The following NBAS variants were observed in gnomAD, a reference collection of about 807,000 sequenced individuals.
NBAS encodes NAG/BC035112 fusion.
A neutral mutation model predicts 302.5 loss-of-function variants in NBAS; 219 were observed. The observed-to-expected ratio is 0.72, with a 90% CI of 0.65 to 0.81. The LOEUF (loss-of-function observed/expected upper bound fraction) is 0.81, where lower values mean the gene tolerates loss of function less well. NBAS is among the 30% of genes least tolerant of loss of function. NBAS has a pLI of 0.00. For missense variants in NBAS, 2,932 were observed against 2,841.6 expected (o/e 1.03, Z -0.72); for synonymous variants, 1,118 against 1,021.6 (o/e 1.09, Z -1.80).
chr2:15,123,643 C>T, the NBAS span, among the ~76,000 whole-genome samples: 2 of 152,048 alleles, frequency 1.3e-5, no homozygotes, highest in Non-Finnish European at 2.9e-5. Flanking sequence ...GAGCACCTCC[C>T]TCCTCTCTGT....
In NBAS at chr2:15,238,631, T is replaced by A. The variant is rs1484069780; in HGVS notation, c.5780A>T (p.His1927Leu). ...MTRKAIKTVK[H>L]FIEKPRKRNS... ...TCTTTTCCTTGGCTTCTCAATAAAA[T>A]GTTTGACTGTCTTAATAGCCTTTCT... Residue 1927 changes from histidine to leucine, a missense_variant, in exon 45 of 52, where the codon CAT (histidine) becomes CTT (leucine). His to Leu is a moderately conservative substitution (Grantham distance 99, BLOSUM62 -3). Transcript: ENST00000281513. 2 of 1,613,240 alleles carry A rather than the reference T, an allele frequency of 1.2e-6. No individual in the cohort carries two copies. The highest frequency in any genetic ancestry group is 3.3e-5 in the Admixed American group (2 of 59,802).
intron 46 of NBAS, among the ~76,000 whole-genome samples, chr2:15,234,124 A>G (rs536738889): frequency 1.4e-4 from 21 of 152,318 alleles, no homozygotes; most frequent in African/African-American, 4.8e-4. Context: ...TCAGTGTATG[A>G]TCAGCCTTGC....
intron 51 of NBAS, among the ~76,000 whole-genome samples, chr2:15,171,298 A>T (rs1664279466): frequency 6.6e-6 from 1 of 152,066 alleles, no homozygotes; most frequent in Non-Finnish European, 1.5e-5. Flanking sequence ...TATGTCATCC[A>T]TGTTTGGGTC....
intron 2 of NBAS, among the ~76,000 whole-genome samples, chr2:15,557,568 CTG>C (rs1446116039): frequency 6.6e-6 from 1 of 152,058 alleles, no homozygotes; most frequent in East Asian, 1.9e-4. Context: ...CTATAATTAA[CTG>C]TAATTTTATC....
chr2:15,105,523 G>C, the NBAS span, among the ~76,000 whole-genome samples: 3 of 151,616 alleles, frequency 2.0e-5, no homozygotes, highest in Non-Finnish European at 4.4e-5. Context: ...TGTTTTTATG[G>C]TCCCTCCTAG....
chr2:15,344,694 G>T (rs1673008670), intron 35 of NBAS, among the ~76,000 whole-genome samples: 1 of 152,102 alleles, frequency 6.6e-6, no homozygotes, highest in South Asian at 2.1e-4. Context: ...CTAAAACTGT[G>T]CAGAGACACA....
chr2:15,248,251 C>A (rs1411749390), intron 44 of NBAS, among the ~76,000 whole-genome samples: 5 of 152,132 alleles, frequency 3.3e-5, no homozygotes, highest in Non-Finnish European at 7.4e-5. Flanking sequence ...TTCTTTGAAA[C>A]CAATGAGAAC....
chr2:15,248,766 AG>A (rs1250588657), intron 44 of NBAS, among the ~76,000 whole-genome samples: 1 of 152,202 alleles, frequency 6.6e-6, no homozygotes, highest in Non-Finnish European at 1.5e-5. Context: ...CTAAACCAGA[AG>A]TTGAATCCCT....
chr2:15,296,739 T>G lies in NBAS; in HGVS notation c.4798-3973A>C, dbSNP rs146146937. The stretch of plus-strand genomic sequence containing the variant: ...CTGTAGTCCTACCTACTAGGGAGGC[T>G]GAAGCACAAGGATCACTTGAGCTCA... On this transcript the variant is annotated intron_variant, in intron 40 of 51. Coordinates refer to ENST00000281513, the MANE Select transcript of NBAS (RefSeq NM_015909.4). Among the ~76,000 whole-genome samples, 904 of 152,182 alleles carry G rather than the reference T, an allele frequency of 5.9e-3. 6 individuals are homozygous for G. Among genetic ancestry groups the G allele is most frequent in the Middle Eastern group, 0.01 (3 of 294 alleles).
chr2:15,043,749 G>A, the NBAS span, among the ~76,000 whole-genome samples: 1 of 152,142 alleles, frequency 6.6e-6, no homozygotes, highest in Non-Finnish European at 1.5e-5. Context: ...AGAAAACCTG[G>A]GTTCTAAGTC....
intron 21 of NBAS, among the ~76,000 whole-genome samples, chr2:15,460,231 C>T (rs1170543033): frequency 6.6e-6 from 1 of 152,106 alleles, no homozygotes; most frequent in African/African-American, 2.4e-5. Context: ...AGGTACTTTA[C>T]AGTATACTAT....
At chr2:14,988,308 C>A in the NBAS span, among the ~76,000 whole-genome samples, 16 of 152,264 alleles carry the variant, frequency 1.1e-4, no homozygotes, top group African/African-American at 3.6e-4. Context: ...AGCTGCTTAT[C>A]CATATAATTT....
intron 26 of NBAS, among the ~76,000 whole-genome samples, chr2:15,401,942 GAATTT>G (rs1412008196): frequency 6.6e-6 from 1 of 151,980 alleles, no homozygotes; most frequent in East Asian, 1.9e-4. Context: ...ACAAAATTCA[GAATTT>G]AATTATAATT....
the NBAS span, among the ~76,000 whole-genome samples, chr2:14,810,339 A>G: frequency 6.6e-6 from 1 of 152,180 alleles, no homozygotes. Flanking sequence ...TAATCGAATC[A>G]TGGGGGCAGG....
the NBAS span, among the ~76,000 whole-genome samples, chr2:15,029,539 G>A: frequency 1.3e-5 from 2 of 152,204 alleles, no homozygotes; most frequent in Non-Finnish European, 2.9e-5. Context: ...GAGAGATAAA[G>A]GAATCGGAAG....
At chr2:15,412,212 C>T (rs1252669030) in intron 25 of NBAS, among the ~76,000 whole-genome samples, 1 of 152,130 alleles carries the variant, frequency 6.6e-6, no homozygotes, top group Non-Finnish European at 1.5e-5. Context: ...GATTATTCTT[C>T]CCTGCCCCAT....
Position 15,534,645 on chromosome 2 carries a change from A to T in NBAS, c.648-4T>A, listed in dbSNP as rs760622951. On this transcript the variant is annotated splice_region_variant and splice_polypyrimidine_tract_variant and intron_variant, in intron 8 of 51. Transcript: ENST00000281513. Reference sequence around the variant, plus strand: ...GTAGCTCTGATTTGTTCCAACACTAAATTTAAGAGGGTATGAAAGAAGTAA... The same window carrying T: ...GTAGCTCTGATTTGTTCCAACACTATATTTAAGAGGGTATGAAAGAAGTAA... 35 of 1,602,572 alleles carry T rather than the reference A, an allele frequency of 2.2e-5. No individual in the cohort carries two copies. The highest frequency in any genetic ancestry group is 2.8e-5 in the Non-Finnish European group (33 of 1,169,620).
At chr2:15,456,565 T>A (rs147342517) in intron 21 of NBAS, among the ~76,000 whole-genome samples, 1 of 152,194 alleles carries the variant, frequency 6.6e-6, no homozygotes, top group African/African-American at 2.4e-5. Flanking sequence ...TCTTTATGGA[T>A]CTTACATTCA....
intron 42 of NBAS, among the ~76,000 whole-genome samples, chr2:15,280,793 A>G (rs560847513): frequency 5.9e-5 from 9 of 152,292 alleles, no homozygotes; most frequent in Admixed American, 5.2e-4. Flanking sequence ...CAGTGGCCTC[A>G]CCATTGACTA....
Sources: gnomAD v4.1 joint callset for allele counts (sites outside exome capture counted in the v4.1 genomes callset) on GRCh38, gnomAD v4.1.1 for gene constraint, MANE v1.5 for transcripts, NCBI Gene and HGNC (gene_info 2026-07-23, HGNC 2026-07-21) for gene names.